The following SPATA1 variants were observed in gnomAD, a reference collection of about 807,000 sequenced individuals.
SPATA1 encodes the protein spermatogenesis-associated protein 1.
A neutral mutation model predicts 59.6 loss-of-function variants in SPATA1; 57 were observed. The observed-to-expected ratio is 0.96, with a 90% confidence interval of 0.77 to 1.19. The LOEUF (loss-of-function observed/expected upper bound fraction) is 1.19. Among genes scored for constraint, SPATA1 ranks in the 50% most tolerant of loss-of-function variants. The pLI, the probability that SPATA1 is intolerant of heterozygous loss-of-function variation, is 0.00. For missense variants in SPATA1, 448 were observed against 480.7 expected, an observed-to-expected ratio of 0.93 and a Z score of 0.64; for synonymous variants, 147 against 163.9, an observed-to-expected ratio of 0.90 and a Z score of 0.79.
chr1:84,512,847 A>G (rs1682631855), intron 1 of SPATA1, among the ~76,000 whole-genome samples: 1 of 152,232 alleles, frequency 6.6e-6, no homozygotes, highest in Non-Finnish European at 1.5e-5. Context: ...TTAGCATGCA[A>G]GATAAAATTG....
chr1:84,545,494 T>C (rs866306523), intron 9 of SPATA1, 140 bp from the exon 10 acceptor site: 6 of 896,498 alleles, frequency 6.7e-6, no homozygotes, highest in Non-Finnish European at 8.0e-6. Context: ...GTAAATGCTA[T>C]ACTGTAGCAA....
chr1:84,554,851 T>C (rs1570462511), downstream of SPATA1: 2 of 649,904 alleles, frequency 3.1e-6, no homozygotes, highest in East Asian at 5.6e-5. Flanking sequence ...GTGTGTATTT[T>C]TCAAATTCAA....
At chr1:84,564,228 A>G (rs1464339827) in intron 4 of SPATA1, among the ~76,000 whole-genome samples, 2 of 152,228 alleles carry the variant, frequency 1.3e-5, no homozygotes, top group Admixed American at 6.5e-5. Flanking sequence ...TGATGGTCTC[A>G]GAGTTTCTTA....
chr1:84,528,341 T>C (rs1250099859), intron 6 of SPATA1, among the ~76,000 whole-genome samples: 1 of 152,230 alleles, frequency 6.6e-6, no homozygotes, highest in Non-Finnish European at 1.5e-5. Context: ...AGTACTTATT[T>C]TGAATTATTT....
At chr1:84,530,573 A>T (rs10493752) in intron 6 of SPATA1, among the ~76,000 whole-genome samples, 29,246 of 152,164 alleles carry the variant, frequency 0.19, 2,989 homozygotes, top group South Asian at 0.3. Flanking sequence ...AGGTGACAAG[A>T]TGGAAAATAG....
intron 2 of SPATA1, among the ~76,000 whole-genome samples, chr1:84,517,333 C>T (rs1016424292): frequency 9.2e-5 from 14 of 152,096 alleles, no homozygotes; most frequent in African/African-American, 1.9e-4. Context: ...TCTCTACCTG[C>T]GCTCATTCCT....
chr1:84,533,394 TC>T (rs763344578), intron 7 of SPATA1, among the ~76,000 whole-genome samples: 1 of 152,104 alleles, frequency 6.6e-6, no homozygotes, highest in Non-Finnish European at 1.5e-5. Flanking sequence ...AATTAAGGGT[TC>T]TTATAAACAG....
intron 1 of SPATA1, among the ~76,000 whole-genome samples, chr1:84,515,342 C>T (rs10874449): frequency 0.2 from 30,591 of 151,634 alleles, 4,473 homozygotes; most frequent in African/African-American, 0.41. Flanking sequence ...TTTAAGGAGA[C>T]TGTATATTTC....
downstream of SPATA1, among the ~76,000 whole-genome samples, chr1:84,558,951 C>A (rs1252958183): frequency 2.6e-5 from 4 of 152,118 alleles, no homozygotes; most frequent in African/African-American, 9.6e-5. Flanking sequence ...AAGGAAAAAA[C>A]AAGCCACAGA....
At position 84,520,678 on chromosome 1, in the gene SPATA1, GC is replaced by G. The variant is rs762537040; in HGVS notation, c.131del (p.Ala44ValfsTer4). On this transcript the variant is annotated frameshift_variant, in exon 3 of 13. Coordinates refer to ENST00000490879, the Ensembl canonical transcript of SPATA1. LOFTEE classifies it high-confidence loss of function. Reference sequence around the variant, plus strand: ...AGAAGTTGTTAACAAATTCATTTCAGCTGGATTTCTAAGGCAAGTGTTGTGT... The same window carrying G: ...AGAAGTTGTTAACAAATTCATTTCAGTGGATTTCTAAGGCAAGTGTTGTGT... 1.9e-6 allele frequency: 3 copies of G among 1,558,990 alleles called. No homozygotes were observed. In the South Asian group the frequency reaches 3.6e-5, roughly 19 times the overall value.
chr1:84,556,198 A>G (rs1309509597), downstream of SPATA1, among the ~76,000 whole-genome samples: 1 of 152,198 alleles, frequency 6.6e-6, no homozygotes, highest in Admixed American at 6.5e-5. Flanking sequence ...CAGGCAGCAC[A>G]TGAGCTATTG....
At chr1:84,529,365 A>T (rs1315411146) in intron 6 of SPATA1, among the ~76,000 whole-genome samples, 1 of 152,080 alleles carries the variant, frequency 6.6e-6, no homozygotes, top group Non-Finnish European at 1.5e-5. Flanking sequence ...AGTCAAACAC[A>T]GTGCCTAGAC....
At chr1:84,560,244 C>T (rs760282122) in intron 4 of SPATA1, among the ~76,000 whole-genome samples, 2 of 152,120 alleles carry the variant, frequency 1.3e-5, no homozygotes, top group Admixed American at 6.5e-5. Context: ...GTTACTCTAA[C>T]CTTTCCCACC....
At chr1:84,525,580 A>C in intron 4 of SPATA1, 116 bp from the exon 5 acceptor site, 2 of 765,846 alleles carry the variant, frequency 2.6e-6, no homozygotes, top group Non-Finnish European at 4.1e-6. Flanking sequence ...CATAGCTTTT[A>C]AATTTGATTT....
At chr1:84,541,703 T>C (rs1026094997) in intron 8 of SPATA1, among the ~76,000 whole-genome samples, 26 of 152,136 alleles carry the variant, frequency 1.7e-4, no homozygotes, top group Non-Finnish European at 3.7e-4. Flanking sequence ...CTCTGCTTCA[T>C]GGCGTGTTTG....
chr1:84,531,904 T>G (rs1282805457), intron 6 of SPATA1, among the ~76,000 whole-genome samples: 4 of 152,180 alleles, frequency 2.6e-5, no homozygotes, highest in African/African-American at 7.2e-5. Flanking sequence ...TTGGCTCACT[T>G]ATTCTTTTAT....
At chr1:84,555,163 T>C (rs1383791120), downstream of SPATA1, 4 of 1,613,814 alleles carry the variant, frequency 2.5e-6, no homozygotes, top group Non-Finnish European at 3.4e-6. Flanking sequence ...CTCTGAGGGT[T>C]ATCATACCAT....
At chr1:84,550,555 A>T (rs1684239476) in intron 12 of SPATA1, 25 bp downstream of exon 12, 12 of 1,487,696 alleles carry the variant, frequency 8.1e-6, no homozygotes, top group Non-Finnish European at 1.1e-5. Flanking sequence ...TCCTAATCAG[A>T]TTATTATAAC....
intron 10 of SPATA1, among the ~76,000 whole-genome samples, chr1:84,547,878 T>A (rs10082015): frequency 1.3e-5 from 2 of 152,184 alleles, no homozygotes; most frequent in Non-Finnish European, 1.5e-5. Flanking sequence ...TATATGATTT[T>A]AAAAAATATT....
Sources: allele counts gnomAD v4.1 joint callset (sites outside exome capture counted in the v4.1 genomes callset), GRCh38; gene constraint gnomAD v4.1.1; transcripts MANE v1.5; gene names NCBI Gene and HGNC (gene_info 2026-07-23, HGNC 2026-07-21).